The following DLG5 variants were observed in gnomAD, a reference collection of about 807,000 sequenced individuals.
DLG5 encodes discs large MAGUK scaffold protein 5, also known as disks large homolog 5.
Under a neutral mutation model 189.8 loss-of-function variants are expected in DLG5, and 48 were observed. That is an observed-to-expected ratio of 0.25 (90% CI 0.20 to 0.32). The LOEUF (loss-of-function observed/expected upper bound fraction) is 0.32. Ranked by LOEUF, DLG5 falls within the 10% of genes least tolerant of loss-of-function variation. The pLI, the probability that DLG5 is intolerant of heterozygous loss-of-function variation, is 1.00. For missense variants in DLG5, 2,160 were observed against 2,544.7 expected (o/e 0.85, Z 3.25); for synonymous variants, 1,016 against 1,054.1 (o/e 0.96, Z 0.70).
chr10:77,860,335 T>G (rs1844424571), intron 2 of DLG5, among the ~76,000 whole-genome samples: 1 of 152,216 alleles, frequency 6.6e-6, no homozygotes, highest in South Asian at 2.1e-4. Flanking sequence ...TTCACTCTTG[T>G]TGCCCAGGCT....
chr10:77,874,298 G>A (rs1434433896), intron 1 of DLG5, among the ~76,000 whole-genome samples: 1 of 152,238 alleles, frequency 6.6e-6, no homozygotes, highest in East Asian at 1.9e-4. Flanking sequence ...TGTGCTGTTA[G>A]GTAAGTCACT....
At chr10:77,911,008 A>C (rs1044397188) in intron 1 of DLG5, among the ~76,000 whole-genome samples, 6 of 151,822 alleles carry the variant, frequency 4.0e-5, no homozygotes, top group African/African-American at 1.4e-4. Flanking sequence ...AAAAAAAAAA[A>C]ACATAAACAG....
At chr10:77,909,862 C>A (rs1228566351) in intron 1 of DLG5, among the ~76,000 whole-genome samples, 1 of 152,132 alleles carries the variant, frequency 6.6e-6, no homozygotes, top group Non-Finnish European at 1.5e-5. Context: ...TGGGTCCCAA[C>A]TCAGTGTCCA....
At chr10:77,931,014 TTC>T (rs1846781852), upstream of DLG5, among the ~76,000 whole-genome samples, 4 of 151,666 alleles carry the variant, frequency 2.6e-5, no homozygotes, top group South Asian at 8.4e-4. Flanking sequence ...GAGACGGGGT[TTC>T]TCCATGTTGG....
At chr10:77,898,515 C>T (rs1845830834) in intron 1 of DLG5, among the ~76,000 whole-genome samples, 1 of 152,234 alleles carries the variant, frequency 6.6e-6, no homozygotes, top group Non-Finnish European at 1.5e-5. Context: ...CTGCATGGCG[C>T]AGGCTGTGGG....
At chr10:77,908,653 C>T (rs1015693609) in intron 1 of DLG5, among the ~76,000 whole-genome samples, 10 of 152,180 alleles carry the variant, frequency 6.6e-5, no homozygotes, top group African/African-American at 2.2e-4. Flanking sequence ...TCCTTCCAGC[C>T]GCCTGCCTAT....
At position 77,811,269 on chromosome 10, in the gene DLG5, A is replaced by C. The variant is rs200228997; in HGVS notation, c.4323-35T>G. 4.4e-5 allele frequency: 71 copies of C among 1,596,180 alleles called. No homozygotes were observed. The African/African-American group carries it at 7.5e-4, about 17-fold the overall frequency. On this transcript the variant is annotated intron_variant, in intron 22 of 31. Coordinates refer to ENST00000372391, the MANE Select transcript of DLG5 (RefSeq NM_004747.4). ...GAGGACAGGAGGGATAAGGAGCAGT[A>C]CGAAGCCACCCAGAGCCACCCCCAC...
intron 2 of DLG5, 77 bp downstream of exon 2, chr10:77,869,051 TC>T (rs1198827039): frequency 8.2e-7 from 1 of 1,212,846 alleles, no homozygotes; most frequent in African/African-American, 1.5e-5. Flanking sequence ...CAGCTTCCTC[TC>T]CCATGAACCC....
the DLG5 span, among the ~76,000 whole-genome samples, chr10:77,939,127 C>T: frequency 1.3e-5 from 2 of 152,194 alleles, no homozygotes. Flanking sequence ...TTGCAGTGAG[C>T]TGAGATCTTG....
intron 29 of DLG5, among the ~76,000 whole-genome samples, chr10:77,795,548 G>C (rs923399404): frequency 6.6e-6 from 1 of 152,052 alleles, no homozygotes; most frequent in Non-Finnish European, 1.5e-5. Flanking sequence ...CCCAAGGAGC[G>C]GCTGTGTCCT....
intron 6 of DLG5, 52 bp from the exon 7 acceptor site, chr10:77,842,245 G>A (rs766366984): frequency 1.8e-5 from 28 of 1,564,208 alleles, no homozygotes; most frequent in Non-Finnish European, 2.3e-5. Context: ...TGCCCGGTCA[G>A]TGGCCGGCTG....
the DLG5 span, among the ~76,000 whole-genome samples, chr10:77,933,372 C>T: frequency 2.6e-5 from 4 of 151,830 alleles, no homozygotes; most frequent in Admixed American, 6.6e-5. Flanking sequence ...CTGCAACCTC[C>T]GCCTCCTGGG....
At chr10:77,872,586 G>C (rs906818714) in intron 1 of DLG5, among the ~76,000 whole-genome samples, 1 of 152,114 alleles carries the variant, frequency 6.6e-6, no homozygotes, top group Admixed American at 6.5e-5. Context: ...AGCCTTGGAC[G>C]TCATTAAGGG....
At chr10:77,887,619 T>G (rs190137012) in intron 1 of DLG5, among the ~76,000 whole-genome samples, 2 of 152,258 alleles carry the variant, frequency 1.3e-5, no homozygotes. Flanking sequence ...AGGAATATAT[T>G]TGGAAAGGCT....
intron 14 of DLG5, 147 bp from the exon 15 acceptor site, chr10:77,822,248 A>T: frequency 5.0e-6 from 4 of 792,662 alleles, no homozygotes; most frequent in Non-Finnish European, 7.8e-6. Flanking sequence ...AGATGCACAC[A>T]CACATGAACA....
In DLG5 at chr10:77,829,420, C is replaced by A; in HGVS notation, c.2120G>T (p.Arg707Leu). ...NGEGAINMVV[R>L]RRKSLGGKVV... is the part of the protein sequence containing the mutation. ...CTTCCCACCCAGGGACTTCCTCCGCCGCACGACCATGTTGATGGCCCCCTC... is the reference window on the plus strand; with the variant it reads ...CTTCCCACCCAGGGACTTCCTCCGCAGCACGACCATGTTGATGGCCCCCTC... The change falls in exon 12 of 32, where the codon CGG becomes CTG. Residue 707 changes from arginine to leucine, a missense_variant. By Grantham distance (102) the Arg-to-Leu change is moderately radical. Coordinates refer to ENST00000372391, the MANE Select transcript of DLG5 (RefSeq NM_004747.4). The A allele has an allele frequency of 6.2e-7, 1 of 1,614,250 alleles. No individual in the cohort carries two copies. Among genetic ancestry groups the A allele is most frequent in the Non-Finnish European group, 8.5e-7 (1 of 1,180,054 alleles).
At chr10:77,843,932 G>C (rs746957272) in intron 5 of DLG5, among the ~76,000 whole-genome samples, 1 of 152,128 alleles carries the variant, frequency 6.6e-6, no homozygotes, top group South Asian at 2.1e-4. Context: ...ACTAAGTATT[G>C]TGCAGAACAG....
chr10:77,864,296 C>G (rs1463045989), intron 2 of DLG5, among the ~76,000 whole-genome samples: 1 of 152,220 alleles, frequency 6.6e-6, no homozygotes, highest in African/African-American at 2.4e-5. Context: ...CTTCCAGGAG[C>G]CAGAGAGATG....
At chr10:77,802,661 G>C (rs1318616793) in intron 27 of DLG5, among the ~76,000 whole-genome samples, 1 of 152,262 alleles carries the variant, frequency 6.6e-6, no homozygotes, top group African/African-American at 2.4e-5. Context: ...CACTTTGTGA[G>C]GCTAAGACAG....
Sources: allele counts gnomAD v4.1 joint callset (sites outside exome capture counted in the v4.1 genomes callset), GRCh38; gene constraint gnomAD v4.1.1; transcripts MANE v1.5; gene names NCBI Gene and HGNC (gene_info 2026-07-23, HGNC 2026-07-21).